The following CDH18 variants were observed in gnomAD, a reference collection of about 807,000 sequenced individuals.
CDH18 encodes the protein cadherin-18.
CDH18 carries 31 observed loss-of-function variants against 67.9 expected under a neutral mutation model. The ratio of observed to expected loss-of-function variants is 0.46; its 90% CI spans 0.34 to 0.62. CDH18 has a LOEUF of 0.62. Ranked by LOEUF, CDH18 falls within the 20% of genes least tolerant of loss-of-function variation. The probability of loss-of-function intolerance (pLI) is 0.01; values close to 1 mark genes in which losing one functional copy is unlikely to be tolerated. For synonymous variants in CDH18, 362 were observed against 347.2 expected, an observed-to-expected ratio of 1.04 and a Z score of -0.48; for missense variants, 890 against 975.5, an observed-to-expected ratio of 0.91 and a Z score of 1.17.
At chr5:19,540,777 G>C (rs1000294865) in intron 9 of CDH18, among the ~76,000 whole-genome samples, 2 of 152,066 alleles carry the variant, frequency 1.3e-5, no homozygotes, top group African/African-American at 4.8e-5. Flanking sequence ...ACACAGCAGG[G>C]GGCCCTGGGC....
chr5:20,428,663 G>T (rs991138983), intron 1 of CDH18, among the ~76,000 whole-genome samples: 33 of 152,198 alleles, frequency 2.2e-4, no homozygotes, highest in African/African-American at 4.8e-5. Context: ...GTATCTCGTC[G>T]TGGTTTTGAT....
chr5:19,871,496 C>T (rs1332460562), intron 2 of CDH18, among the ~76,000 whole-genome samples: 2 of 152,124 alleles, frequency 1.3e-5, no homozygotes, highest in Admixed American at 6.5e-5. Flanking sequence ...TGAATGCAGA[C>T]TCCAGAGAAA....
At chr5:20,272,434 G>T (rs76565982) in intron 1 of CDH18, among the ~76,000 whole-genome samples, 4,355 of 152,062 alleles carry the variant, frequency 0.029, 223 homozygotes, top group African/African-American at 0.099. Context: ...AGTATGTTGA[G>T]GGAGTAGATA....
At chr5:19,958,954 T>G (rs890920297) in intron 2 of CDH18, among the ~76,000 whole-genome samples, 2 of 152,120 alleles carry the variant, frequency 1.3e-5, no homozygotes, top group Admixed American at 6.6e-5. Flanking sequence ...TACCATCTTC[T>G]GCACCATTAA....
chr5:20,423,127 G>A (rs1560987277), intron 1 of CDH18, among the ~76,000 whole-genome samples: 1 of 151,294 alleles, frequency 6.6e-6, no homozygotes, highest in East Asian at 1.9e-4. Context: ...ATGGACGTCT[G>A]TGCACTGCGC....
chr5:19,776,260 G>A (rs1410633490), intron 3 of CDH18, among the ~76,000 whole-genome samples: 1 of 152,210 alleles, frequency 6.6e-6, no homozygotes, highest in South Asian at 2.1e-4. Context: ...ACAAATGCAC[G>A]TTTTCTTTTC....
intron 2 of CDH18, among the ~76,000 whole-genome samples, chr5:20,115,427 C>T (rs1747817194): frequency 6.6e-6 from 1 of 151,496 alleles, no homozygotes; most frequent in Non-Finnish European, 1.5e-5. Context: ...TACAGGCATG[C>T]ACCACCATGC....
intron 2 of CDH18, among the ~76,000 whole-genome samples, chr5:19,909,034 TC>T (rs1790835294): frequency 6.6e-6 from 1 of 152,078 alleles, no homozygotes; most frequent in Non-Finnish European, 1.5e-5. Context: ...TGGGAGCACA[TC>T]TCCTATCCTC....
intron 1 of CDH18, among the ~76,000 whole-genome samples, chr5:20,338,475 CT>C (rs1292939166): frequency 6.6e-6 from 1 of 152,198 alleles, no homozygotes; most frequent in Non-Finnish European, 1.5e-5. Context: ...CTCCTCCGGC[CT>C]CTCATCAGGG....
intron 1 of CDH18, among the ~76,000 whole-genome samples, chr5:20,291,037 T>C (rs2974595): frequency 6.6e-6 from 1 of 151,838 alleles, no homozygotes; most frequent in African/African-American, 2.4e-5. Context: ...GTCTTAAATA[T>C]GAGAGTGATT....
At chr5:19,916,739 T>A (rs1791840203) in intron 2 of CDH18, among the ~76,000 whole-genome samples, 1 of 152,180 alleles carries the variant, frequency 6.6e-6, no homozygotes, top group Non-Finnish European at 1.5e-5. Flanking sequence ...TCTGTTAAGT[T>A]CTAGCAATGA....
At chr5:20,485,003 C>T (rs1202620557) in intron 1 of CDH18, among the ~76,000 whole-genome samples, 1 of 152,006 alleles carries the variant, frequency 6.6e-6, no homozygotes, top group Non-Finnish European at 1.5e-5. Context: ...AAAGTGAATA[C>T]TAAACTTTTG....
chr5:20,570,991 A>G (rs1450349416), intron 1 of CDH18, among the ~76,000 whole-genome samples: 1 of 152,152 alleles, frequency 6.6e-6, no homozygotes, highest in Non-Finnish European at 1.5e-5. Context: ...TCTAATTATT[A>G]ACATCATCTA....
chr5:19,948,177 A>G (rs1367654244), intron 2 of CDH18, among the ~76,000 whole-genome samples: 1 of 152,190 alleles, frequency 6.6e-6, no homozygotes, highest in African/African-American at 2.4e-5. Flanking sequence ...AATGTAAAAC[A>G]AGACATCCAC....
At chr5:20,257,036 G>T (rs1007074155) in intron 1 of CDH18, among the ~76,000 whole-genome samples, 1 of 151,354 alleles carries the variant, frequency 6.6e-6, no homozygotes, top group African/African-American at 2.4e-5. Flanking sequence ...ACTTATCAGG[G>T]CAAAACTTTC....
chr5:20,441,366 C>T (rs921425968), intron 1 of CDH18, among the ~76,000 whole-genome samples: 3 of 151,674 alleles, frequency 2.0e-5, no homozygotes, highest in African/African-American at 7.3e-5. Flanking sequence ...TATAATTGCA[C>T]GTGTGGGTAT....
chr5:20,352,624 C>CAAAAAAAAAA (rs35947411), intron 1 of CDH18, among the ~76,000 whole-genome samples: 45 of 88,092 alleles, frequency 5.1e-4, no homozygotes, highest in East Asian at 9.6e-4. Context: ...ACTAAAAATA[C>CAAAAAAAAAA]AAAAAAAAAA....
rs59764100 is a variant in CDH18 at position 20,279,725 on chromosome 5, A to AAAAAAAAAAAAAAAAAAAC, written c.-579-24221_-579-24220insGTTTTTTTTTTTTTTTTTT. 5.1e-4 allele frequency among the ~76,000 whole-genome samples: 66 copies of AAAAAAAAAAAAAAAAAAAC among 128,788 alleles called. 7 individuals carry two copies. Among genetic ancestry groups the AAAAAAAAAAAAAAAAAAAC allele is most frequent in the East Asian group, 9.5e-4 (4 of 4,232 alleles). 84.5% of individuals were successfully genotyped at this position (128,788 alleles called of 152,430 possible). A position where few individuals can be genotyped will look rare whatever the true frequency, so the allele number is the denominator to read the frequency against. On this transcript the variant is annotated intron_variant, in intron 1 of 14. Transcript: ENST00000507958. ...AAAAAAAAAAAAAAAAAAAAAAAAA[A>AAAAAAAAAAAAAAAAAAAC]AAAGCAAAAACTGTAAGAGCGAGAT...
intron 1 of CDH18, among the ~76,000 whole-genome samples, chr5:20,324,906 CTTA>C (rs1197195102): frequency 6.6e-6 from 1 of 152,132 alleles, no homozygotes; most frequent in Non-Finnish European, 1.5e-5. Context: ...GTTGTAACAT[CTTA>C]TTAGTTCCCT....
Sources: gnomAD v4.1 joint callset for allele counts (sites outside exome capture counted in the v4.1 genomes callset) on GRCh38, gnomAD v4.1.1 for gene constraint, MANE v1.5 for transcripts, NCBI Gene and HGNC (gene_info 2026-07-23, HGNC 2026-07-21) for gene names.